HELLS: variants seen among roughly 807,000 people sequenced by gnomAD.
The protein encoded by HELLS is lymphoid-specific helicase.
HELLS carries 32 observed loss-of-function variants against 120.0 expected under a neutral mutation model. That is an observed-to-expected ratio of 0.27 (90% CI 0.20 to 0.36). The LOEUF is 0.36. Ranked by LOEUF, HELLS falls within the 10% of genes least tolerant of loss-of-function variation. HELLS has a pLI of 1.00. For missense variants in HELLS, 650 were observed against 993.4 expected (o/e 0.65, Z 4.65); for synonymous variants, 341 against 323.4 (o/e 1.05, Z -0.58).
At chr10:94,585,362 GTT>G (rs11288915) in intron 12 of HELLS, among the ~76,000 whole-genome samples, 238 of 121,046 alleles carry the variant, frequency 2.0e-3, no homozygotes, top group East Asian at 5.5e-3. Context: ...TTTTTGTTTT[GTT>G]TTTTTTTTTT....
At position 94,574,694 on chromosome 10, in the gene HELLS, A is replaced by G. The variant is rs1191700918; in HGVS notation, c.846A>G (p.Thr282=). Residue 282 remains threonine, a synonymous_variant, in exon 9 of 22, where the codon ACA becomes ACG. Coordinates refer to ENST00000348459, the MANE Select transcript of HELLS (RefSeq NM_018063.5). ...TTCTTGTCTGTGGCCCTTTGTCTAC[A>G]CTTCCTAACTGGATGGCTGAATTCA... is the stretch of plus-strand genomic sequence containing the variant. ...GPFLVCGPLS[T]LPNWMAEFKR... is the part of the protein sequence containing the mutation. 1.9e-6 allele frequency: 3 copies of G among 1,613,674 alleles called. No individual in the cohort carries two copies. The highest frequency in any genetic ancestry group is 2.2e-5 in the East Asian group (1 of 44,850).
At chr10:94,578,692 AAAT>A (rs1490362962) in intron 10 of HELLS, among the ~76,000 whole-genome samples, 1 of 152,174 alleles carries the variant, frequency 6.6e-6, no homozygotes. Flanking sequence ...CTGTGTCTCA[AAAT>A]AATAATAATT....
exon 10 of HELLS, chr10:94,612,386 T>C (rs1421977849): frequency 6.6e-6 from 1 of 152,214 alleles, no homozygotes; most frequent in Non-Finnish European, 1.5e-5. Context: ...TATTGAACCT[T>C]CAAGATCCTT....
intron 10 of HELLS, among the ~76,000 whole-genome samples, chr10:94,578,807 A>G (rs1398914011): frequency 6.6e-6 from 1 of 152,172 alleles, no homozygotes; most frequent in Non-Finnish European, 1.5e-5. Context: ...AGATTTTTAT[A>G]AGGAGCGCAC....
chr10:94,566,036 G>T (rs1290132507), intron 6 of HELLS, among the ~76,000 whole-genome samples: 2 of 152,034 alleles, frequency 1.3e-5, no homozygotes, highest in Non-Finnish European at 2.9e-5. Flanking sequence ...GGGACTACAT[G>T]CCTGTGCCAC....
At position 94,562,821 on chromosome 10, in the gene HELLS, A is replaced by G. The variant is rs1422878670; in HGVS notation, c.380A>G (p.Lys127Arg). The G allele has an allele frequency of 6.4e-7, 1 of 1,570,992 alleles. No individual in the cohort carries two copies. The highest frequency in any genetic ancestry group is 1.8e-5 in the Admixed American group (1 of 56,870). The change falls in exon 6 of 22, where the codon AAA becomes AGA. Residue 127 changes from lysine (K) to arginine (R), a missense_variant. This residue lies in a region of HELLS where 113 missense variants were observed against 120.7 expected (regional missense o/e 0.94). Coordinates refer to ENST00000348459, the MANE Select transcript of HELLS (RefSeq NM_018063.5). ...AAATTTTTTTTTATAGTTATGAGGA[A>G]AAAAAGAGGAAGAGAAGATGAATCA... ...DASEEKPVMRKKRGREDESYN... is the reference protein window; with the variant it reads ...DASEEKPVMRRKRGREDESYN...
In HELLS at chr10:94,580,143, AT is replaced by A. The variant is rs1564602464; in HGVS notation, c.1033-1182del. On this transcript the variant is annotated intron_variant, in intron 10 of 21. Coordinates refer to ENST00000348459, the MANE Select transcript of HELLS (RefSeq NM_018063.5). ...TATATATATATATATATATATATAT[AT>A]ATATATATATATATATATACACACA... is the stretch of plus-strand genomic sequence containing the variant. Among the ~76,000 whole-genome samples, 39 of 79,426 alleles carry A rather than the reference AT, an allele frequency of 4.9e-4. 1 individual carries two copies. Among genetic ancestry groups the A allele is most frequent in the African/African-American group, 1.0e-3 (15 of 14,604 alleles). 52.1% of individuals were successfully genotyped at this position (79,426 alleles called of 152,430 possible).
chr10:94,545,831 A>G lies in HELLS; in HGVS notation c.-91A>G. 1 of 1,423,046 alleles carries G rather than the reference A, an allele frequency of 7.0e-7. No individual in the cohort carries two copies. Among genetic ancestry groups the G allele is most frequent in the South Asian group, 1.2e-5 (1 of 81,434 alleles). The allele number at this position is 1,423,046 out of a possible 1,614,324, so 88.2% of individuals were successfully genotyped here. ...TTTCCCTGGCGGGGGATTTGGCTAG[A>G]AGGCTGGGCCGGCAGCGGTTGTGAG... On this transcript the variant is annotated 5_prime_UTR_variant, in exon 1 of 22. Coordinates refer to ENST00000348459, the MANE Select transcript of HELLS (RefSeq NM_018063.5).
At chr10:94,587,101 T>C (rs1018245014) in intron 12 of HELLS, among the ~76,000 whole-genome samples, 1 of 152,178 alleles carries the variant, frequency 6.6e-6, no homozygotes, top group Non-Finnish European at 1.5e-5. Context: ...ATAAATGTGA[T>C]AATCATTTGT....
intron 7 of HELLS, among the ~76,000 whole-genome samples, chr10:94,573,100 C>G (rs1844259591): frequency 6.6e-6 from 1 of 151,950 alleles, no homozygotes; most frequent in South Asian, 2.1e-4. Flanking sequence ...GCTGGGACAA[C>G]AGGCTCATGC....
chr10:94,592,944 T>G (rs1027533318), intron 17 of HELLS, among the ~76,000 whole-genome samples: 8 of 152,204 alleles, frequency 5.3e-5, no homozygotes, highest in Non-Finnish European at 8.8e-5. Flanking sequence ...GCTGTATCCA[T>G]TCAGCATTTA....
intron 10 of HELLS, among the ~76,000 whole-genome samples, chr10:94,577,913 AT>A (rs1414317050): frequency 2.0e-5 from 3 of 152,010 alleles, no homozygotes; most frequent in Non-Finnish European, 4.4e-5. Flanking sequence ...TTACAAAAAA[AT>A]TAGCCGGGCG....
intron 8 of HELLS, chr10:94,607,830 C>T (rs993104119): frequency 5.5e-5 from 16 of 291,648 alleles, no homozygotes; most frequent in East Asian, 1.3e-4. Flanking sequence ...CGGGGTCCAG[C>T]GATTCTCCTG....
intron 3 of HELLS, among the ~76,000 whole-genome samples, chr10:94,556,023 G>A (rs773815463): frequency 3.3e-5 from 5 of 152,174 alleles, no homozygotes; most frequent in Non-Finnish European, 7.3e-5. Flanking sequence ...GGGGCTTGTG[G>A]GAACCCTGAT....
rs1461307753 is a variant in HELLS at position 94,593,381 on chromosome 10, ATTTG to A, written c.1972-113_1972-110del. The A allele has an allele frequency of 4.8e-6, 3 of 630,844 alleles. No homozygotes were observed. The East Asian group carries it at 8.0e-5, about 17-fold the overall frequency. The allele number at this position is 630,844 out of a possible 1,614,324, so 39.1% of individuals were successfully genotyped here. A position where few individuals can be genotyped will look rare whatever the true frequency, so the allele number is the denominator to read the frequency against. ...CATAATTGTTTTATAGATCTGAATG[ATTTG>A]TTTGGCCTCCTTTGTTTAAGTCTTT... On this transcript the variant is annotated intron_variant, in intron 17 of 21. Coordinates refer to ENST00000348459, the MANE Select transcript of HELLS (RefSeq NM_018063.5).
intron 6 of HELLS, among the ~76,000 whole-genome samples, chr10:94,568,542 A>G (rs532571191): frequency 5.3e-5 from 8 of 152,176 alleles, no homozygotes; most frequent in Non-Finnish European, 8.8e-5. Flanking sequence ...TATTTATAGT[A>G]GTTTCTTAAT....
At chr10:94,578,122 G>A (rs1050286496) in intron 10 of HELLS, among the ~76,000 whole-genome samples, 16 of 151,266 alleles carry the variant, frequency 1.1e-4, no homozygotes, top group Non-Finnish European at 1.9e-4. Context: ...GGGTGTGATG[G>A]TGCACATGTT....
intron 7 of HELLS, among the ~76,000 whole-genome samples, chr10:94,572,082 C>T (rs1199448514): frequency 6.6e-6 from 1 of 151,698 alleles, no homozygotes; most frequent in East Asian, 1.9e-4. Flanking sequence ...TAATTTTGTC[C>T]AAAATTTATA....
At chr10:94,546,095 G>GT in intron 1 of HELLS, 143 bp downstream of exon 1, 1 of 975,032 alleles carries the variant, frequency 1.0e-6, no homozygotes, top group Admixed American at 2.1e-5. Context: ...AACTGCAACG[G>GT]TGAGTGGAGG....
Sources: allele counts gnomAD v4.1 joint callset (sites outside exome capture counted in the v4.1 genomes callset), GRCh38; gene constraint gnomAD v4.1.1; regional missense constraint gnomAD v4.1.1; transcripts MANE v1.5; gene names NCBI Gene and HGNC (gene_info 2026-07-23, HGNC 2026-07-21).